Variants in PLD3 observed in about 807,000 individuals in gnomAD.
PLD3 encodes 5'-3' exonuclease PLD3.
PLD3 carries 31 observed loss-of-function variants against 58.4 expected under a neutral mutation model. The ratio of observed to expected loss-of-function variants is 0.53; its 90% CI spans 0.40 to 0.72. The LOEUF is 0.72. Among genes scored for constraint, PLD3 ranks in the 30% least tolerant of loss-of-function variants. The pLI, the probability that PLD3 is intolerant of heterozygous loss-of-function variation, is 0.00. For synonymous variants in PLD3, 264 were observed against 273.4 expected (o/e 0.97, Z 0.34); for missense variants, 595 against 659.8 (o/e 0.90, Z 1.08).
intron 10 of PLD3, chr19:40,376,406 G>A: frequency 3.7e-6 from 2 of 539,640 alleles, no homozygotes; most frequent in Non-Finnish European, 6.6e-6. Context: ...GTTTTGGGGA[G>A]CAGGAATGGG....
At position 40,374,534 on chromosome 19, in the gene PLD3, A is replaced by G. The variant is rs2079146029; in HGVS notation, c.933A>G (p.Leu311=). The G allele has an allele frequency of 1.2e-6, 2 of 1,614,126 alleles. No individual in the cohort carries two copies. Among genetic ancestry groups the G allele is most frequent in the East Asian group, 2.2e-5 (1 of 44,884 alleles). The change falls in exon 10 of 13, where the codon CTA becomes CTG. Residue 311 remains leucine (L), a synonymous_variant. Coordinates refer to ENST00000409735, the MANE Select transcript of PLD3 (RefSeq NM_012268.4). ...GCCGCACTCCAGACCTGAAGGCTCT[A>G]CTCAACGTGGTGGACAATGCCCGGA... ...PSGRTPDLKA[L]LNVVDNARSF...
At chr19:40,353,027 C>T (rs1282844135) in intron 1 of PLD3, among the ~76,000 whole-genome samples, 1 of 152,204 alleles carries the variant, frequency 6.6e-6, no homozygotes, top group African/African-American at 2.4e-5. Flanking sequence ...TGCACTTTTG[C>T]AGGCTCACGC....
chr19:40,371,721 G>C lies in PLD3; in HGVS notation c.727G>C (p.Asp243His). Reference sequence around the variant, plus strand: ...GTACAACTGCAGCTGCCTGGCTCGAGACCTGACCAAGATCTTTGAGGCCTA... The same window carrying C: ...GTACAACTGCAGCTGCCTGGCTCGACACCTGACCAAGATCTTTGAGGCCTA... Reference protein sequence around the residue: ...VMYNCSCLARDLTKIFEAYWF... With the variant: ...VMYNCSCLARHLTKIFEAYWF... The change falls in exon 9 of 13, where the codon GAC becomes CAC. Residue 243 changes from aspartate to histidine, a missense_variant. By Grantham distance (81) the Asp-to-His change is moderately conservative. Transcript: ENST00000409735. The C allele has an allele frequency of 6.2e-7, 1 of 1,613,954 alleles. No individual in the cohort carries two copies. Among genetic ancestry groups the C allele is most frequent in the Non-Finnish European group, 8.5e-7 (1 of 1,180,010 alleles).
chr19:40,354,234 C>T (rs190362649), intron 1 of PLD3, among the ~76,000 whole-genome samples: 2 of 151,904 alleles, frequency 1.3e-5, no homozygotes, highest in African/African-American at 2.4e-5. Flanking sequence ...CCACCAGGCC[C>T]GGCTAATTTT....
Position 40,378,458 on chromosome 19 carries a change from TATA to T in PLD3, c.*290_*292del, listed in dbSNP as rs1183132887. 4.3e-5 allele frequency: 23 copies of T among 537,936 alleles called. No homozygotes were observed. Among genetic ancestry groups the T allele is most frequent in the Admixed American group, 1.3e-4 (4 of 31,502 alleles). 33.3% of individuals were successfully genotyped at this position (537,936 alleles called of 1,614,324 possible). ...TTCCAGGGCAAAAAGGGCCCAGGGT[TATA>T]ATAAGTAAATAACTTGTCTGTACAG... is the stretch of plus-strand genomic sequence containing the variant. On this transcript the variant is annotated 3_prime_UTR_variant, in exon 13 of 13. Transcript: ENST00000409735.
intron 1 of PLD3, among the ~76,000 whole-genome samples, chr19:40,350,115 C>T (rs897672058): frequency 6.6e-6 from 1 of 151,338 alleles, no homozygotes; most frequent in Non-Finnish European, 1.5e-5. Context: ...ACAAAATTAG[C>T]CAGGCATGGT....
intron 1 of PLD3, chr19:40,358,482 C>G (rs559591812): frequency 6.6e-6 from 1 of 152,364 alleles, no homozygotes; most frequent in African/African-American, 2.4e-5. Context: ...GAACTCCTGA[C>G]CTCAGGTGAT....
chr19:40,377,381 G>C, intron 11 of PLD3, among the ~76,000 whole-genome samples: 1 of 139,418 alleles, frequency 7.2e-6, no homozygotes, highest in African/African-American at 2.7e-5. Context: ...AGGCAGAGGG[G>C]TCAGGGCTGG....
At chr19:40,374,736 G>A (rs1156251801) in intron 10 of PLD3, 116 bp downstream of exon 10, 1 of 1,142,458 alleles carries the variant, frequency 8.8e-7, no homozygotes, top group African/African-American at 1.5e-5. Flanking sequence ...TGGAAGAGAA[G>A]CTGCAGGGAG....
rs139433328 is a variant in PLD3 at position 40,372,176 on chromosome 19, T to C, written c.879+303T>C. Among the ~76,000 whole-genome samples, 254 of 152,248 alleles carry C rather than the reference T, an allele frequency of 1.7e-3. 1 individual carries two copies. The highest frequency in any genetic ancestry group is 5.7e-3 in the African/African-American group (237 of 41,542). ...ATAGCCACAGGTGGCTCTTTCAGTT[T>C]AAGTTAATTAAATGCAATTAACAAT... On this transcript the variant is annotated intron_variant, in intron 9 of 12. Transcript: ENST00000409735.
chr19:40,361,641 T>C (rs534356261), intron 1 of PLD3, among the ~76,000 whole-genome samples: 2 of 152,188 alleles, frequency 1.3e-5, no homozygotes, highest in East Asian at 3.9e-4. Context: ...TCAGGGCCTT[T>C]GTACTGATCA....
chr19:40,374,240 G>C (rs1236333593), intron 9 of PLD3, among the ~76,000 whole-genome samples: 1 of 152,286 alleles, frequency 6.6e-6, no homozygotes, highest in East Asian at 1.9e-4. Flanking sequence ...GAACCAGACA[G>C]CCTGGGTTCG....
At chr19:40,374,458 C>T (rs1568680400) in intron 9 of PLD3, 23 bp from the exon 10 acceptor site, 4 of 1,613,228 alleles carry the variant, frequency 2.5e-6, no homozygotes, top group East Asian at 2.2e-5. Flanking sequence ...GGGCACATGT[C>T]TTAACTGTCC....
At position 40,367,736 on chromosome 19, in the gene PLD3, C is replaced by A; in HGVS notation, c.286C>A (p.Pro96Thr). 1 of 1,613,858 alleles carries A rather than the reference C, an allele frequency of 6.2e-7. No homozygotes were observed. Among genetic ancestry groups the A allele is most frequent in the South Asian group, 1.1e-5 (1 of 91,068 alleles). The change falls in exon 6 of 13, where the codon CCC becomes ACC. Residue 96 changes from proline to threonine, a missense_variant. Coordinates refer to ENST00000409735, the MANE Select transcript of PLD3 (RefSeq NM_012268.4). ...VESIPEGLDF[P>T]NASTGNPSTS... The stretch of plus-strand genomic sequence containing the variant: ...AAGCATTCCTGAGGGCCTGGACTTC[C>A]CCAATGCCTCCACGGGGAACCCTTC...
intron 1 of PLD3, among the ~76,000 whole-genome samples, chr19:40,350,260 C>CAAAAAA (rs763559067): frequency 2.9e-5 from 2 of 68,086 alleles, no homozygotes; most frequent in African/African-American, 1.3e-4. Context: ...GACTCCGTCT[C>CAAAAAA]AAAAAAAAAA....
chr19:40,370,519 A>T (rs2079041908), intron 8 of PLD3: 1 of 270,618 alleles, frequency 3.7e-6, no homozygotes, highest in South Asian at 4.9e-5. Context: ...CCAAAAAAAA[A>T]AAAATAAGCC....
chr19:40,376,482 C>T (rs2079204229), intron 10 of PLD3, 127 bp from the exon 11 acceptor site: 1 of 841,924 alleles, frequency 1.2e-6, no homozygotes, highest in Non-Finnish European at 1.9e-6. Context: ...GTCTGGGAGC[C>T]AGCGATGAGG....
chr19:40,366,734 C>T (rs761781661), intron 4 of PLD3, 39 bp from the exon 5 acceptor site: 8 of 1,613,822 alleles, frequency 5.0e-6, no homozygotes, highest in Middle Eastern at 1.7e-4. Flanking sequence ...GGCTGGGCTG[C>T]CCCCCTCGGG....
intron 10 of PLD3, 141 bp from the exon 11 acceptor site, chr19:40,376,468 C>A: frequency 1.4e-6 from 1 of 733,710 alleles, no homozygotes; most frequent in East Asian, 2.6e-5. Flanking sequence ...GAGACAGGAA[C>A]AGGGTCTGGG....
Sources: gnomAD v4.1 joint callset for allele counts (sites outside exome capture counted in the v4.1 genomes callset) on GRCh38, gnomAD v4.1.1 for gene constraint, MANE v1.5 for transcripts, NCBI Gene and HGNC (gene_info 2026-07-23, HGNC 2026-07-21) for gene names.